The following DNAJC1 variants were observed in gnomAD, a reference collection of about 807,000 sequenced individuals.
DNAJC1 encodes the protein DnaJ heat shock protein family (Hsp40) member C1, also known as dnaJ homolog subfamily C member 1.
A neutral mutation model predicts 76.6 loss-of-function variants in DNAJC1; 58 were observed. That is an observed-to-expected ratio of 0.76 (90% CI 0.61 to 0.94). DNAJC1 has a LOEUF of 0.94. DNAJC1 is among the 40% of genes least tolerant of loss of function. The pLI is 0.00. For missense variants in DNAJC1, 689 were observed against 677.3 expected (o/e 1.02, Z -0.19); for synonymous variants, 258 against 267.9 (o/e 0.96, Z 0.36).
chr10:21,926,243 T>C (rs1837127021), intron 3 of DNAJC1, among the ~76,000 whole-genome samples: 1 of 151,660 alleles, frequency 6.6e-6, no homozygotes. Flanking sequence ...TGAGCCACTG[T>C]ACCCAGCCAG....
chr10:21,758,946 AT>A (rs1834207613), intron 11 of DNAJC1, among the ~76,000 whole-genome samples: 1 of 151,862 alleles, frequency 6.6e-6, no homozygotes, highest in African/African-American at 2.4e-5. Flanking sequence ...GCCCTGTGGG[AT>A]GATGAAACTT....
At chr10:21,982,409 T>A (rs1838172417) in intron 1 of DNAJC1, among the ~76,000 whole-genome samples, 1 of 152,058 alleles carries the variant, frequency 6.6e-6, no homozygotes, top group African/African-American at 2.4e-5. Flanking sequence ...TTGGACCTCA[T>A]CAAAATGAAA....
chr10:21,861,372 A>C (rs1835914760), intron 8 of DNAJC1, among the ~76,000 whole-genome samples: 1 of 152,198 alleles, frequency 6.6e-6, no homozygotes, highest in Non-Finnish European at 1.5e-5. Flanking sequence ...TAAACAGCAA[A>C]TCCTAATAGA....
At chr10:21,975,180 A>G (rs552398416) in intron 1 of DNAJC1, among the ~76,000 whole-genome samples, 2 of 152,296 alleles carry the variant, frequency 1.3e-5, no homozygotes, top group East Asian at 3.9e-4. Flanking sequence ...GTTATTTGAA[A>G]GAGTTGCAGC....
At chr10:21,946,307 T>C (rs1837504769) in intron 1 of DNAJC1, among the ~76,000 whole-genome samples, 1 of 151,998 alleles carries the variant, frequency 6.6e-6, no homozygotes, top group African/African-American at 2.4e-5. Context: ...CCCAAAGTGC[T>C]GATACACATA....
At chr10:21,874,447 A>AG in intron 8 of DNAJC1, among the ~76,000 whole-genome samples, 1 of 151,726 alleles carries the variant, frequency 6.6e-6, no homozygotes, top group East Asian at 1.9e-4. Flanking sequence ...AAAAAAAAAA[A>AG]GAGAGAGATG....
At chr10:21,975,573 A>G (rs879620387) in intron 1 of DNAJC1, among the ~76,000 whole-genome samples, 3 of 152,196 alleles carry the variant, frequency 2.0e-5, no homozygotes, top group Admixed American at 6.5e-5. Flanking sequence ...AGAAAGTGCC[A>G]CTAGAGTGGC....
At chr10:21,840,006 G>A (rs536522993) in intron 8 of DNAJC1, among the ~76,000 whole-genome samples, 1 of 152,254 alleles carries the variant, frequency 6.6e-6, no homozygotes, top group East Asian at 1.9e-4. Context: ...AAAACCACAT[G>A]ATTATCTCAA....
At chr10:21,858,865 G>C (rs1175213665) in intron 8 of DNAJC1, among the ~76,000 whole-genome samples, 1 of 152,072 alleles carries the variant, frequency 6.6e-6, no homozygotes, top group African/African-American at 2.4e-5. Flanking sequence ...CTTACCTGAT[G>C]AAATCAGAAC....
chr10:21,782,449 T>A (rs1321111082), intron 9 of DNAJC1, among the ~76,000 whole-genome samples: 2 of 152,172 alleles, frequency 1.3e-5, no homozygotes, highest in East Asian at 3.9e-4. Flanking sequence ...CACAGCCGAA[T>A]TCTACCAGAG....
intron 1 of DNAJC1, among the ~76,000 whole-genome samples, chr10:21,958,574 G>T (rs755318286): frequency 6.6e-6 from 1 of 151,882 alleles, no homozygotes; most frequent in Admixed American, 6.6e-5. Flanking sequence ...ACTACAGTGC[G>T]TGCCACCACG....
chr10:21,898,688 C>G (rs893514320), intron 7 of DNAJC1, among the ~76,000 whole-genome samples: 19 of 151,684 alleles, frequency 1.3e-4, no homozygotes, highest in African/African-American at 4.6e-4. Flanking sequence ...AAGTAGCAGG[C>G]ATTATAGACA....
intron 1 of DNAJC1, among the ~76,000 whole-genome samples, chr10:21,931,559 G>A (rs1179438250): frequency 6.6e-6 from 1 of 152,122 alleles, no homozygotes; most frequent in Non-Finnish European, 1.5e-5. Flanking sequence ...TGGCTGTTTA[G>A]GTTCAGATTT....
chr10:21,949,132 A>C (rs1390983142), intron 1 of DNAJC1, among the ~76,000 whole-genome samples: 1 of 152,212 alleles, frequency 6.6e-6, no homozygotes, highest in Non-Finnish European at 1.5e-5. Context: ...GAAAAAAAGT[A>C]AGATTCCAGG....
chr10:21,776,226 C>T (rs919919097), intron 9 of DNAJC1, among the ~76,000 whole-genome samples: 1 of 152,128 alleles, frequency 6.6e-6, no homozygotes, highest in Non-Finnish European at 1.5e-5. Context: ...TAGGATCAGT[C>T]AACAGTTACA....
At chr10:21,785,740 C>G (rs1204116186) in intron 9 of DNAJC1, among the ~76,000 whole-genome samples, 1 of 151,968 alleles carries the variant, frequency 6.6e-6, no homozygotes, top group Admixed American at 6.6e-5. Context: ...GGAAAGAACC[C>G]AGGTTGAGGG....
At position 21,981,819 on chromosome 10, in the gene DNAJC1, G is replaced by C. The variant is rs780502501; in HGVS notation, c.222+21394C>G. 6.6e-5 allele frequency among the ~76,000 whole-genome samples: 10 copies of C among 152,192 alleles called. 1 individual carries two copies. The highest frequency in any genetic ancestry group is 3.4e-3 in the Middle Eastern group (1 of 294). The stretch of plus-strand genomic sequence containing the variant: ...TCCTCTAAACCATCTTCACAGCTAG[G>C]CCTCAACCTTTGAACTTCTATCTCC... On this transcript the variant is annotated intron_variant, in intron 1 of 11. Transcript: ENST00000376980.
At chr10:21,841,737 GC>G (rs2131679757) in intron 8 of DNAJC1, among the ~76,000 whole-genome samples, 1 of 152,238 alleles carries the variant, frequency 6.6e-6, no homozygotes, top group East Asian at 1.9e-4. Context: ...ATTTGACCCA[GC>G]CATCCCATTA....
At chr10:21,875,080 C>T (rs1015964365) in intron 8 of DNAJC1, among the ~76,000 whole-genome samples, 54 of 152,266 alleles carry the variant, frequency 3.5e-4, no homozygotes, top group Admixed American at 4.6e-4. Context: ...GGCCTTTCAC[C>T]ATGTTGGCCA....
Sources: gnomAD v4.1 joint callset for allele counts (sites outside exome capture counted in the v4.1 genomes callset) on GRCh38, gnomAD v4.1.1 for gene constraint, MANE v1.5 for transcripts, NCBI Gene and HGNC (gene_info 2026-07-23, HGNC 2026-07-21) for gene names.